Variants in GPHN observed in about 807,000 individuals in gnomAD.
GPHN encodes gephyrin.
GPHN carries 17 observed loss-of-function variants against 95.5 expected under a neutral mutation model. That is an observed-to-expected ratio of 0.18 (90% CI 0.12 to 0.27). GPHN has a LOEUF of 0.27. Among genes scored for constraint, GPHN ranks in the 10% least tolerant of loss-of-function variants. The probability of loss-of-function intolerance (pLI) is 1.00; values close to 1 mark genes in which losing one functional copy is unlikely to be tolerated. For synonymous variants in GPHN, 320 were observed against 322.5 expected (o/e 0.99, Z 0.08); for missense variants, 660 against 978.1 (o/e 0.67, Z 4.34).
chr14:67,666,844 T>A, the GPHN span, among the ~76,000 whole-genome samples: 3 of 152,208 alleles, frequency 2.0e-5, no homozygotes, highest in African/African-American at 7.2e-5. Context: ...AACAACTGTA[T>A]ACTGTATACA....
chr14:66,935,965 T>C (rs1436238192), intron 8 of GPHN, among the ~76,000 whole-genome samples: 1 of 152,184 alleles, frequency 6.6e-6, no homozygotes, highest in Non-Finnish European at 1.5e-5. Flanking sequence ...TATTCAAGTC[T>C]AGGCAGTCTG....
At chr14:67,142,630 A>G (rs1035606955) in intron 17 of GPHN, among the ~76,000 whole-genome samples, 4 of 152,052 alleles carry the variant, frequency 2.6e-5, no homozygotes, top group African/African-American at 9.7e-5. Flanking sequence ...TCTCTTCCCA[A>G]CATTATGAAT....
chr14:67,147,621 T>G (rs2080976652), intron 18 of GPHN, among the ~76,000 whole-genome samples: 1 of 152,094 alleles, frequency 6.6e-6, no homozygotes, highest in South Asian at 2.1e-4. Context: ...ACTGCAGCCT[T>G]GAATTCCTGG....
At chr14:66,572,746 A>G (rs1186305257) in intron 1 of GPHN, among the ~76,000 whole-genome samples, 1 of 151,702 alleles carries the variant, frequency 6.6e-6, no homozygotes, top group African/African-American at 2.4e-5. Context: ...TGATGTTTTC[A>G]TTTCCTTTTT....
chr14:66,961,819 G>A (rs1005714336), intron 8 of GPHN, among the ~76,000 whole-genome samples: 1 of 145,270 alleles, frequency 6.9e-6, no homozygotes, highest in African/African-American at 2.5e-5. Flanking sequence ...GTGGACAGAT[G>A]TATAGATTGG....
At chr14:67,513,914 C>G in the GPHN span, among the ~76,000 whole-genome samples, 5 of 152,206 alleles carry the variant, frequency 3.3e-5, no homozygotes, top group Non-Finnish European at 7.3e-5. Flanking sequence ...GGACCTGGAA[C>G]CTGGCCCATT....
the GPHN span, among the ~76,000 whole-genome samples, chr14:67,226,002 G>T: frequency 6.7e-6 from 1 of 149,958 alleles, no homozygotes; most frequent in South Asian, 2.1e-4. Flanking sequence ...TGCTCATAAG[G>T]GCTGAGTTCA....
At chr14:66,977,820 A>G (rs2070363505) in intron 9 of GPHN, among the ~76,000 whole-genome samples, 1 of 152,232 alleles carries the variant, frequency 6.6e-6, no homozygotes, top group Non-Finnish European at 1.5e-5. Context: ...TTTTTTAGAT[A>G]GGATCTGGTA....
At chr14:67,601,683 A>G in the GPHN span, among the ~76,000 whole-genome samples, 6 of 152,148 alleles carry the variant, frequency 3.9e-5, no homozygotes, top group South Asian at 1.2e-3. Flanking sequence ...AGGGCAGATC[A>G]CTTGGGTCAG....
chr14:67,519,758 TG>T, the GPHN span, among the ~76,000 whole-genome samples: 1 of 151,884 alleles, frequency 6.6e-6, no homozygotes, highest in East Asian at 1.9e-4. Flanking sequence ...GTTCTCGTTC[TG>T]TTGCCCAGCC....
intron 6 of GPHN, among the ~76,000 whole-genome samples, chr14:66,918,934 C>T (rs2066059043): frequency 6.6e-6 from 1 of 151,570 alleles, no homozygotes; most frequent in South Asian, 2.1e-4. Context: ...TTTTTTACAT[C>T]TTAGATTTTA....
chr14:66,979,406 C>T (rs1006672195), intron 9 of GPHN, among the ~76,000 whole-genome samples: 4 of 152,248 alleles, frequency 2.6e-5, no homozygotes, highest in African/African-American at 9.6e-5. Context: ...GCTTCTACAG[C>T]AGCACTTGCT....
intron 1 of GPHN, among the ~76,000 whole-genome samples, chr14:66,592,507 T>C (rs12104047): frequency 6.6e-6 from 1 of 150,560 alleles, no homozygotes; most frequent in African/African-American, 2.4e-5. Context: ...GAACAGATAT[T>C]TCCCAGAAGA....
At chr14:66,826,132 C>T (rs990845027) in intron 4 of GPHN, among the ~76,000 whole-genome samples, 3 of 152,060 alleles carry the variant, frequency 2.0e-5, no homozygotes, top group Admixed American at 1.3e-4. Context: ...AAAATTAATT[C>T]ATAACCAAAT....
At chr14:66,843,440 G>C (rs1281275192) in intron 4 of GPHN, among the ~76,000 whole-genome samples, 1 of 152,026 alleles carries the variant, frequency 6.6e-6, no homozygotes, top group Non-Finnish European at 1.5e-5. Flanking sequence ...CACTGAGTTA[G>C]ACTGCTGACT....
chr14:67,374,294 T>A, the GPHN span, among the ~76,000 whole-genome samples: 4 of 152,194 alleles, frequency 2.6e-5, no homozygotes, highest in African/African-American at 9.6e-5. Context: ...TCCCAAGCAT[T>A]TCTGATGAGG....
chr14:67,284,426 T>A, the GPHN span, among the ~76,000 whole-genome samples: 1 of 83,400 alleles, frequency 1.2e-5, no homozygotes, highest in East Asian at 7.3e-4. Flanking sequence ...AGACCCTATC[T>A]CTTAAAAAAA....
intron 9 of GPHN, among the ~76,000 whole-genome samples, chr14:66,997,078 A>T (rs893926082): frequency 5.3e-5 from 8 of 152,104 alleles, no homozygotes; most frequent in Admixed American, 4.6e-4. Flanking sequence ...AAATAAAAGA[A>T]CTTCAGGCCA....
chr14:67,047,289 T>C (rs1594928276), intron 10 of GPHN, among the ~76,000 whole-genome samples: 1 of 151,676 alleles, frequency 6.6e-6, no homozygotes, highest in East Asian at 1.9e-4. Flanking sequence ...TTCTCTCCTA[T>C]GATCAAAGGC....
Sources: allele counts gnomAD v4.1 joint callset (sites outside exome capture counted in the v4.1 genomes callset), GRCh38; gene constraint gnomAD v4.1.1; transcripts MANE v1.5; gene names NCBI Gene and HGNC (gene_info 2026-07-23, HGNC 2026-07-21).